The following GPR55 variants were observed in gnomAD, a reference collection of about 807,000 sequenced individuals.
GPR55 encodes G protein-coupled receptor 55.
A neutral mutation model predicts 7.9 loss-of-function variants in GPR55; 6 were observed. The observed-to-expected ratio is 0.76, with a 90% CI of 0.41 to 1.49. GPR55 has a LOEUF of 1.49. Among genes scored for constraint, GPR55 ranks in the 40% most tolerant of loss-of-function variants. The pLI is 0.01. For missense variants in GPR55, 376 were observed against 406.0 expected (o/e 0.93, Z 0.63); for synonymous variants, 183 against 166.8 (o/e 1.10, Z -0.75).
In GPR55 at chr2:230,910,625, C is replaced by A. The variant is rs760159776; in HGVS notation, c.338G>T (p.Cys113Phe). 2 of 1,613,984 alleles carry A rather than the reference C, an allele frequency of 1.2e-6. No homozygotes were observed. The highest frequency in any genetic ancestry group is 8.5e-7 in the Non-Finnish European group (1 of 1,180,008). Residue 113 changes from cysteine (C) to phenylalanine (F), a missense_variant, in exon 2 of 2, where the codon TGC (cysteine) becomes TTC (phenylalanine). Transcript: ENST00000650999. This position sits in a 1 kb window ranked among gnomAD's most constrained non-coding sequence, Gnocchi z 5.4. The part of the protein sequence containing the change: ...VSMYGSVFTI[C>F]FISMDRFLAI... ...CAAGAACCGGTCCATGCTGATGAAGCAGATGGTGAAGACGCTTCCGTACAT... is the reference window on the plus strand; with the variant it reads ...CAAGAACCGGTCCATGCTGATGAAGAAGATGGTGAAGACGCTTCCGTACAT...
At position 230,910,696 on chromosome 2, in the gene GPR55, G is replaced by T; in HGVS notation, c.267C>A (p.Pro89=). The change falls in exon 2 of 2, where the codon CCC becomes CCA. Residue 89 remains proline, a synonymous_variant. Transcript: ENST00000650999. This position sits in a 1 kb window ranked among gnomAD's most constrained non-coding sequence, Gnocchi z 5.4. The part of the protein sequence containing the change: ...FKMVLSQVQS[P]FPSLCTLVEC... ...CCACCAGGGTGCACAGGGACGGGAAGGGGGACTGTACCTGGGACAGGACCA... is the reference window on the plus strand; with the variant it reads ...CCACCAGGGTGCACAGGGACGGGAATGGGGACTGTACCTGGGACAGGACCA... 3 of 1,613,280 alleles carry T rather than the reference G, an allele frequency of 1.9e-6. No homozygotes were observed. Among genetic ancestry groups the T allele is most frequent in the Non-Finnish European group, 2.5e-6 (3 of 1,179,230 alleles).
At chr2:230,957,623 G>T in intron 1 of GPR55, 1 of 476,486 alleles carries the variant, frequency 2.1e-6, no homozygotes, top group African/African-American at 2.0e-5. Context: ...CGGCGAGCCC[G>T]CGAAGGGGAA....
chr2:230,921,145 C>T (rs1690826089), intron 1 of GPR55, among the ~76,000 whole-genome samples: 1 of 152,176 alleles, frequency 6.6e-6, no homozygotes, highest in South Asian at 2.1e-4. Context: ...CACTCAATTT[C>T]TGTTCCAATT....
chr2:230,932,978 C>A lies in GPR55; in HGVS notation c.-134-21882G>T, dbSNP rs540322456. ...GCCGGACTGAACTCTGACTTCAGAG[C>A]CCCAGGATCGTGCTCTCACGCTGAT... On this transcript the variant is annotated intron_variant, in intron 1 of 1. Coordinates refer to the GPR55 transcript ENST00000392039. 3.8e-4 allele frequency among the ~76,000 whole-genome samples: 58 copies of A among 152,338 alleles called. 1 individual carries two copies. Among genetic ancestry groups the A allele is most frequent in the African/African-American group, 1.2e-3 (51 of 41,574 alleles).
At chr2:230,920,579 C>T (rs139502514) in intron 1 of GPR55, among the ~76,000 whole-genome samples, 182 of 151,988 alleles carry the variant, frequency 1.2e-3, no homozygotes, top group African/African-American at 3.4e-3. Context: ...CAGTAAAAGA[C>T]GACATAAAAG....
rs1690558520 is a variant in GPR55 at position 230,910,363 on chromosome 2, G to A, written c.600C>T (p.Cys200=). Residue 200 remains cysteine (C), a synonymous_variant, in exon 2 of 2, where the codon TGC becomes TGT. Transcript: ENST00000650999. This position sits in a 1 kb window ranked among gnomAD's most constrained non-coding sequence, Gnocchi z 5.4. ...GCAGGATGTGGATGCTCCTGGAGCA[G>A]CAGAAGCCCATGATGCCCATGGGAA... The part of the protein sequence containing the change: ...FLLPMGIMGF[C]CSRSIHILLG... The A allele has an allele frequency of 2.5e-6, 4 of 1,614,018 alleles. No individual in the cohort carries two copies. The highest frequency in any genetic ancestry group is 1.7e-5 in the Admixed American group (1 of 60,008).
intron 1 of GPR55, among the ~76,000 whole-genome samples, chr2:230,956,726 T>C (rs771877332): frequency 3.3e-5 from 5 of 152,196 alleles, no homozygotes; most frequent in African/African-American, 4.8e-5. Flanking sequence ...TCATAATCTG[T>C]ATTTTAAAAA....
intron 1 of GPR55, among the ~76,000 whole-genome samples, chr2:230,915,238 G>A (rs960098745): frequency 4.6e-5 from 7 of 152,218 alleles, no homozygotes; most frequent in Non-Finnish European, 1.0e-4. Flanking sequence ...ATTCCGGGGA[G>A]GTCTCAGCAG....
At chr2:230,913,815 C>T (rs1173272960) in intron 1 of GPR55, among the ~76,000 whole-genome samples, 1 of 152,156 alleles carries the variant, frequency 6.6e-6, no homozygotes, top group Non-Finnish European at 1.5e-5. Context: ...TAAAATGTTG[C>T]AACACCAAAG....
chr2:230,918,405 C>A (rs1381729017), intron 1 of GPR55, among the ~76,000 whole-genome samples: 2 of 152,102 alleles, frequency 1.3e-5, no homozygotes, highest in African/African-American at 2.4e-5. Context: ...AGGTTTGACA[C>A]AAGAAGAAAT....
chr2:230,917,437 C>A (rs893030233), intron 1 of GPR55, among the ~76,000 whole-genome samples: 1 of 152,064 alleles, frequency 6.6e-6, no homozygotes, highest in African/African-American at 2.4e-5. Flanking sequence ...CTTACAAGAA[C>A]AAAACCATCC....
intron 1 of GPR55, among the ~76,000 whole-genome samples, chr2:230,932,778 C>T (rs1559175737): frequency 6.6e-6 from 1 of 152,220 alleles, no homozygotes; most frequent in African/African-American, 2.4e-5. Flanking sequence ...ACAAGGCACA[C>T]CCTGTTCTAG....
chr2:230,939,260 G>A (rs1423869064), intron 1 of GPR55, among the ~76,000 whole-genome samples: 1 of 152,206 alleles, frequency 6.6e-6, no homozygotes, highest in Non-Finnish European at 1.5e-5. Flanking sequence ...TCTCCTTACT[G>A]GGGTGGGCAT....
At chr2:230,942,111 A>G (rs1057421012) in intron 1 of GPR55, among the ~76,000 whole-genome samples, 2 of 152,288 alleles carry the variant, frequency 1.3e-5, no homozygotes, top group African/African-American at 4.8e-5. Context: ...GATTAAAGTG[A>G]ATGTGACACA....
chr2:230,931,717 T>A (rs949691292), intron 1 of GPR55, among the ~76,000 whole-genome samples: 2 of 151,984 alleles, frequency 1.3e-5, no homozygotes, highest in African/African-American at 4.8e-5. Flanking sequence ...CTCCTGCTGC[T>A]CTCACCCCTG....
At chr2:230,926,121 A>G (rs575857592), upstream of GPR55, among the ~76,000 whole-genome samples, 1 of 152,310 alleles carries the variant, frequency 6.6e-6, no homozygotes, top group African/African-American at 2.4e-5. Flanking sequence ...TCAGGTGTCT[A>G]CAGGAATAGA....
intron 1 of GPR55, among the ~76,000 whole-genome samples, chr2:230,949,817 T>A (rs1029508891): frequency 6.6e-6 from 1 of 150,682 alleles, no homozygotes; most frequent in Non-Finnish European, 1.5e-5. Flanking sequence ...GTAAAAATAA[T>A]GCTTCTCTTC....
rs374035430 is a variant in GPR55 at position 230,930,923 on chromosome 2, GA to G, written c.-134-19828del. 5.3e-5 allele frequency among the ~76,000 whole-genome samples: 8 copies of G among 152,146 alleles called. 1 individual carries two copies. Among genetic ancestry groups the G allele is most frequent in the East Asian group, 1.9e-4 (1 of 5,184 alleles). On this transcript the variant is annotated intron_variant, in intron 1 of 1. Coordinates refer to the GPR55 transcript ENST00000392039. ...TCCTGAAAGTCTTTTATTTAATTCTGATTTTTAAAAAGTATATATTGGGGTG... is the reference window on the plus strand; with the variant it reads ...TCCTGAAAGTCTTTTATTTAATTCTGTTTTTAAAAAGTATATATTGGGGTG...
chr2:230,931,666 C>G (rs994089392), intron 1 of GPR55, among the ~76,000 whole-genome samples: 2 of 152,152 alleles, frequency 1.3e-5, no homozygotes, highest in African/African-American at 2.4e-5. Context: ...ACCGCTGCAC[C>G]CACGAGGGCC....
Sources: gnomAD v4.1 joint callset for allele counts (sites outside exome capture counted in the v4.1 genomes callset) on GRCh38, gnomAD v4.1.1 for gene constraint, Gnocchi (gnomAD v3.1) non-coding constraint, MANE v1.5 for transcripts, NCBI Gene and HGNC (gene_info 2026-07-23, HGNC 2026-07-21) for gene names.